CLCA4: variants seen among roughly 807,000 people sequenced by gnomAD.
CLCA4 encodes the protein calcium-activated chloride channel regulator 4.
Under a neutral mutation model 78.9 loss-of-function variants are expected in CLCA4, and 69 were observed. That is an observed-to-expected ratio of 0.87 (90% CI 0.72 to 1.07). The LOEUF is 1.07. Ranked by LOEUF, CLCA4 falls within the 50% of genes least tolerant of loss-of-function variation. CLCA4 has a pLI of 0.00. For synonymous variants in CLCA4, 362 were observed against 375.8 expected, an observed-to-expected ratio of 0.96 and a Z score of 0.42; for missense variants, 1,133 against 1,095.8, an observed-to-expected ratio of 1.03 and a Z score of -0.48.
intron 10 of CLCA4, among the ~76,000 whole-genome samples, chr1:86,575,094 A>G (rs1399745717): frequency 6.6e-6 from 1 of 152,028 alleles, no homozygotes; most frequent in Non-Finnish European, 1.5e-5. Context: ...GCCAAAACCA[A>G]GGCAAACCTT....
At position 86,579,546 on chromosome 1, in the gene CLCA4, T is replaced by C; in HGVS notation, c.2315T>C (p.Leu772Pro). ...ACAGTTCATGAGGATAAGATTATTC[T>C]TACATGGACAGCACCAGGAGATAAT... is the stretch of plus-strand genomic sequence containing the variant. ...DATVHEDKII[L>P]TWTAPGDNFD... is the part of the protein sequence containing the mutation. The change falls in exon 13 of 14, where the codon CTT becomes CCT. Residue 772 changes from leucine to proline, a missense_variant. Physicochemically the swap from Leu to Pro is moderately conservative, Grantham distance 98. Coordinates refer to ENST00000370563, the MANE Select transcript of CLCA4 (RefSeq NM_012128.4). The C allele has an allele frequency of 6.2e-7, 1 of 1,613,064 alleles. No homozygotes were observed. The highest frequency in any genetic ancestry group is 8.5e-7 in the Non-Finnish European group (1 of 1,179,346).
intron 1 of CLCA4, chr1:86,552,993 G>A: frequency 3.2e-6 from 2 of 621,230 alleles, no homozygotes; most frequent in Non-Finnish European, 5.8e-6. Flanking sequence ...GTGCGTGGCC[G>A]TCTCCCAAGC....
chr1:86,550,324 A>G (rs1320103833), intron 1 of CLCA4, among the ~76,000 whole-genome samples: 1 of 152,220 alleles, frequency 6.6e-6, no homozygotes, highest in Non-Finnish European at 1.5e-5. Context: ...ATTCTGAATG[A>G]TAGGTTTTTA....
rs776459367 is a variant in CLCA4, at chr1:86,579,467, A to G, written c.2236A>G (p.Ser746Gly). ...GGAFVVSQVP[S>G]LPLPDQYPPS... ...TGCATTTGTGGTATCACAAGTCCCA[A>G]GCCTTCCCTTGCCTGACCAATACCC... The change falls in exon 13 of 14, where the codon AGC (serine) becomes GGC (glycine). Residue 746 changes from serine to glycine, a missense_variant. Coordinates refer to ENST00000370563, the MANE Select transcript of CLCA4 (RefSeq NM_012128.4). 3.1e-6 allele frequency: 5 copies of G among 1,613,256 alleles called. No individual in the cohort carries two copies. The highest frequency in any genetic ancestry group is 4.2e-6 in the Non-Finnish European group (5 of 1,179,550).
intron 8 of CLCA4, among the ~76,000 whole-genome samples, chr1:86,571,649 G>A (rs74100410): frequency 0.013 from 2,042 of 152,014 alleles, 42 homozygotes; most frequent in African/African-American, 0.047. Context: ...CAAGTCATGA[G>A]CAAAAAACAT....
chr1:86,579,745 T>G (rs1044450467), intron 13 of CLCA4, among the ~76,000 whole-genome samples, 158 bp downstream of exon 13: 1 of 152,048 alleles, frequency 6.6e-6, no homozygotes, highest in African/African-American at 2.4e-5. Context: ...AAATGACACA[T>G]TTTAACGTGG....
Position 86,580,398 on chromosome 1 carries a change from A to T in CLCA4, c.*53A>T. 1 of 1,349,900 alleles carries T rather than the reference A, an allele frequency of 7.4e-7. No homozygotes were observed. Among genetic ancestry groups the T allele is most frequent in the Non-Finnish European group, 9.9e-7 (1 of 1,005,842 alleles). The allele number at this position is 1,349,900 out of a possible 1,614,324, so 83.6% of individuals were successfully genotyped here. On this transcript the variant is annotated 3_prime_UTR_variant, in exon 14 of 14. Coordinates refer to ENST00000370563, the MANE Select transcript of CLCA4 (RefSeq NM_012128.4). ...TAGACCTAGAAGAGAGTTTTAAAAA[A>T]CAAAACAATGTAAGTAAAGGATATT...
intron 7 of CLCA4, 49 bp downstream of exon 7, chr1:86,567,700 C>A: frequency 6.8e-7 from 1 of 1,463,996 alleles, no homozygotes; most frequent in Non-Finnish European, 9.4e-7. Flanking sequence ...CTTTTCAGGA[C>A]ATTTTCATGT....
At chr1:86,568,657 A>G (rs1252310350) in intron 7 of CLCA4, among the ~76,000 whole-genome samples, 1 of 151,906 alleles carries the variant, frequency 6.6e-6, no homozygotes, top group Non-Finnish European at 1.5e-5. Context: ...TCTGTCCTCC[A>G]AACAACTTAC....
chr1:86,565,904 G>A lies in CLCA4; in HGVS notation c.838G>A (p.Glu280Lys), dbSNP rs377545104. 232 of 1,612,592 alleles carry A rather than the reference G, an allele frequency of 1.4e-4. 1 individual carries two copies. Among genetic ancestry groups the A allele is most frequent in the Admixed American group, 8.0e-4 (48 of 59,938 alleles). ...RSTWEVISNSEDFKNTIPMVT... is the reference protein window; with the variant it reads ...RSTWEVISNSKDFKNTIPMVT... ...TACATGGGAGGTGATTAGCAATTCT[G>A]AGGATTTTAAAAACACCATACCCAT... The change falls in exon 6 of 14, where the codon GAG becomes AAG. Residue 280 changes from glutamate to lysine, a missense_variant. Glu to Lys is a moderately conservative substitution (Grantham distance 56). Coordinates refer to ENST00000370563, the MANE Select transcript of CLCA4 (RefSeq NM_012128.4).
chr1:86,565,670 T>C (rs934665619), intron 5 of CLCA4, 132 bp from the exon 6 acceptor site: 2 of 634,124 alleles, frequency 3.2e-6, no homozygotes, highest in Non-Finnish European at 5.2e-6. Flanking sequence ...ATTGTAATAT[T>C]GATGCTCAGT....
At chr1:86,566,175 C>T (rs552871030) in intron 6 of CLCA4, among the ~76,000 whole-genome samples, 155 bp downstream of exon 6, 1 of 152,060 alleles carries the variant, frequency 6.6e-6, no homozygotes, top group Non-Finnish European at 1.5e-5. Flanking sequence ...CAGCAAAATA[C>T]CATAGTAAAA....
intron 1 of CLCA4, chr1:86,553,387 AT>A: frequency 2.0e-6 from 1 of 498,802 alleles, no homozygotes; most frequent in East Asian, 3.5e-5. Context: ...CGTCTCGTGC[AT>A]CCCACACGAA....
chr1:86,578,290 A>G (rs1259804513), intron 12 of CLCA4, among the ~76,000 whole-genome samples: 1 of 152,072 alleles, frequency 6.6e-6, no homozygotes, highest in Non-Finnish European at 1.5e-5. Context: ...AAAAAGGTCA[A>G]TTATTCTTAT....
intron 11 of CLCA4, among the ~76,000 whole-genome samples, chr1:86,575,926 A>G (rs1650502600): frequency 1.3e-5 from 2 of 151,828 alleles, no homozygotes; most frequent in Non-Finnish European, 2.9e-5. Context: ...CCCCTTTTCT[A>G]CTAAAAGTAC....
intron 1 of CLCA4, among the ~76,000 whole-genome samples, chr1:86,547,968 A>C (rs943097250): frequency 1.6e-4 from 24 of 152,210 alleles, no homozygotes; most frequent in African/African-American, 5.8e-4. Flanking sequence ...TATACCCACT[A>C]GTGGAATTGC....
rs538826337 is a variant in CLCA4 at position 86,563,978 on chromosome 1, A to G, written c.557+209A>G. 5.3e-5 allele frequency among the ~76,000 whole-genome samples: 8 copies of G among 152,270 alleles called. No individual in the cohort carries two copies. The East Asian group carries it at 1.2e-3, about 22-fold the overall frequency. ...GCAAGCATTCAGTTGACAATTTAACATATTTTATACCTCTCTACCATAGCC... is the reference window on the plus strand; with the variant it reads ...GCAAGCATTCAGTTGACAATTTAACGTATTTTATACCTCTCTACCATAGCC... On this transcript the variant is annotated intron_variant, in intron 4 of 13. Coordinates refer to ENST00000370563, the MANE Select transcript of CLCA4 (RefSeq NM_012128.4).
At chr1:86,577,531 A>G (rs377119362) in intron 11 of CLCA4, among the ~76,000 whole-genome samples, 62 of 152,198 alleles carry the variant, frequency 4.1e-4, no homozygotes, top group Admixed American at 1.8e-3. Flanking sequence ...CAGAGAGATG[A>G]CATAGTGTGT....
In CLCA4 at chr1:86,579,945, A is replaced by T; in HGVS notation, c.2360A>T (p.Gln787Leu). ...ACATGTAACTTTTTTTTCTCAGTTC[A>T]ACGTTATATCATAAGAATAAGTGCA... is the stretch of plus-strand genomic sequence containing the variant. ...PGDNFDVGKVQRYIIRISASI... is the reference protein window; with the variant it reads ...PGDNFDVGKVLRYIIRISASI... Residue 787 changes from glutamine (Q) to leucine (L), a missense_variant, in exon 14 of 14, where the codon CAA becomes CTA. Physicochemically the swap from Gln to Leu is moderately radical, Grantham distance 113 (BLOSUM62 -2). Coordinates refer to ENST00000370563, the MANE Select transcript of CLCA4 (RefSeq NM_012128.4). 1.3e-6 allele frequency: 2 copies of T among 1,565,974 alleles called. No individual in the cohort carries two copies. The highest frequency in any genetic ancestry group is 1.4e-5 in the African/African-American group (1 of 72,578).
Sources: gnomAD v4.1 joint callset for allele counts (sites outside exome capture counted in the v4.1 genomes callset) on GRCh38, gnomAD v4.1.1 for gene constraint, MANE v1.5 for transcripts, NCBI Gene and HGNC (gene_info 2026-07-23, HGNC 2026-07-21) for gene names.